Variants in AATF observed in about 807,000 individuals in gnomAD.
The protein encoded by AATF is apoptosis antagonizing transcription factor.
In AATF, 48 loss-of-function variants were observed where a neutral mutation model predicts 63.7. That is an observed-to-expected ratio of 0.75 (90% confidence interval 0.60 to 0.96). The LOEUF (loss-of-function observed/expected upper bound fraction) is 0.96, where lower values mean the gene tolerates loss of function less well. AATF is among the 40% of genes least tolerant of loss of function. The probability of loss-of-function intolerance (pLI) is 0.00; values close to 1 mark genes in which losing one functional copy is unlikely to be tolerated. For missense variants in AATF, 639 were observed against 685.7 expected (o/e 0.93, Z 0.76); for synonymous variants, 258 against 247.7 (o/e 1.04, Z -0.39).
intron 11 of AATF, among the ~76,000 whole-genome samples, chr17:37,034,266 G>C (rs1217025331): frequency 6.6e-6 from 1 of 152,182 alleles, no homozygotes; most frequent in Non-Finnish European, 1.5e-5. Context: ...ACAGTAAATA[G>C]GAACTAGCTC....
intron 2 of AATF, among the ~76,000 whole-genome samples, chr17:36,952,470 A>G (rs2070862931): frequency 6.6e-6 from 1 of 152,226 alleles, no homozygotes; most frequent in Non-Finnish European, 1.5e-5. Context: ...AGGTTTGGGA[A>G]AACTGGTAAT....
At chr17:36,992,931 G>A (rs2071226825) in intron 8 of AATF, among the ~76,000 whole-genome samples, 1 of 152,170 alleles carries the variant, frequency 6.6e-6, no homozygotes, top group Non-Finnish European at 1.5e-5. Context: ...CTTCTGTAAA[G>A]GTGAATGATG....
rs765980088 is a variant in AATF, at chr17:36,952,868, TC to T, written c.284-15del. The T allele has an allele frequency of 1.6e-5, 26 of 1,603,042 alleles. No homozygotes were observed. The highest frequency in any genetic ancestry group is 1.0e-4 in the Admixed American group (6 of 59,034). ...AGGTAATACCCATTTTTCTCTTTCT[TC>T]CCTCTCTTCTTTGTAGATGAGGAAA... On this transcript the variant is annotated splice_polypyrimidine_tract_variant and intron_variant, in intron 2 of 11. Coordinates refer to ENST00000619387, the MANE Select transcript of AATF (RefSeq NM_012138.4).
At chr17:36,963,657 C>T (rs2070967140) in intron 4 of AATF, among the ~76,000 whole-genome samples, 1 of 152,214 alleles carries the variant, frequency 6.6e-6, no homozygotes, top group Admixed American at 6.5e-5. Context: ...ACTCCTTTGA[C>T]TGACATTCAG....
At chr17:36,971,969 T>C (rs1011380293) in intron 4 of AATF, among the ~76,000 whole-genome samples, 1 of 152,226 alleles carries the variant, frequency 6.6e-6, no homozygotes, top group African/African-American at 2.4e-5. Context: ...TCTCCACTAA[T>C]CTTGTTTCCT....
intron 11 of AATF, among the ~76,000 whole-genome samples, chr17:37,046,502 C>A (rs983211842): frequency 3.3e-5 from 5 of 152,014 alleles, no homozygotes; most frequent in African/African-American, 1.2e-4. Flanking sequence ...CCTCTGTGTC[C>A]CCTGACTCGC....
chr17:36,952,241 A>C (rs1163508724), intron 2 of AATF, among the ~76,000 whole-genome samples: 2 of 152,196 alleles, frequency 1.3e-5, no homozygotes, highest in African/African-American at 4.8e-5. Flanking sequence ...CCACCTTTCC[A>C]GGAGAGTTAG....
intron 11 of AATF, among the ~76,000 whole-genome samples, chr17:37,037,379 T>A (rs1040820394): frequency 1.3e-5 from 2 of 152,156 alleles, no homozygotes; most frequent in African/African-American, 4.8e-5. Context: ...ATCAGTGGCC[T>A]AAGGAGAAGA....
chr17:36,956,940 C>T (rs967372457), intron 4 of AATF, among the ~76,000 whole-genome samples: 59 of 152,076 alleles, frequency 3.9e-4, no homozygotes, highest in South Asian at 1.2e-3. Flanking sequence ...CGTGCTAGTG[C>T]ACTCTAGCCT....
chr17:36,984,814 A>T (rs1033612155), intron 4 of AATF, among the ~76,000 whole-genome samples: 15 of 151,384 alleles, frequency 9.9e-5, no homozygotes, highest in Admixed American at 7.2e-4. Flanking sequence ...TTTAAAAAAA[A>T]TTTTGTAGAG....
chr17:37,026,223 A>T (rs570027120), intron 10 of AATF, among the ~76,000 whole-genome samples: 2 of 152,348 alleles, frequency 1.3e-5, no homozygotes, highest in South Asian at 4.1e-4. Flanking sequence ...CAGGAGACTA[A>T]GGAGACATCA....
Position 36,988,526 on chromosome 17 carries a change from A to G in AATF, c.955A>G (p.Ile319Val). ...TTCTTACTGCTTTTCTAGTGAGGAG[A>G]TTTCTAGTGAAGATGATGAGCTGGT... ...GTKPNAGSEE[I>V]SSEDDELVEE... The change falls in exon 6 of 12, where the codon ATT becomes GTT. Residue 319 changes from isoleucine to valine, a missense_variant. Transcript: ENST00000619387. The G allele has an allele frequency of 6.2e-7, 1 of 1,613,868 alleles. No individual in the cohort carries two copies. Among genetic ancestry groups the G allele is most frequent in the Non-Finnish European group, 8.5e-7 (1 of 1,179,946 alleles).
At chr17:37,051,524 A>G (rs1422551940) in intron 11 of AATF, among the ~76,000 whole-genome samples, 1 of 152,162 alleles carries the variant, frequency 6.6e-6, no homozygotes, top group African/African-American at 2.4e-5. Flanking sequence ...CACATCGGTG[A>G]GGGGCTGCAT....
At chr17:37,021,813 A>T (rs1454994047) in intron 10 of AATF, among the ~76,000 whole-genome samples, 2 of 138,072 alleles carry the variant, frequency 1.4e-5, no homozygotes, top group Non-Finnish European at 3.0e-5. Context: ...TCAAAAAAAA[A>T]AAAAAAAATA....
intron 8 of AATF, among the ~76,000 whole-genome samples, chr17:36,991,659 C>G (rs1026139617): frequency 6.6e-6 from 1 of 151,112 alleles, no homozygotes; most frequent in Non-Finnish European, 1.5e-5. Context: ...AATCTCGGCT[C>G]ACTGCAAGCT....
intron 4 of AATF, among the ~76,000 whole-genome samples, chr17:36,965,639 T>C (rs2070985472): frequency 6.6e-6 from 1 of 152,216 alleles, no homozygotes; most frequent in Non-Finnish European, 1.5e-5. Flanking sequence ...TCTCATTCCT[T>C]TGTAGATGAC....
intron 11 of AATF, among the ~76,000 whole-genome samples, chr17:37,047,532 CT>C (rs1238257669): frequency 6.6e-6 from 1 of 152,182 alleles, no homozygotes; most frequent in East Asian, 1.9e-4. Flanking sequence ...CTCTCAGTTC[CT>C]TTGTTTGGGG....
intron 11 of AATF, among the ~76,000 whole-genome samples, chr17:37,039,106 T>TC (rs2071616141): frequency 6.6e-6 from 1 of 152,102 alleles, no homozygotes; most frequent in African/African-American, 2.4e-5. Flanking sequence ...CATTTCTTGC[T>TC]CCCCCCTACC....
In AATF at chr17:36,968,270, C is replaced by CT. The variant is rs3049638; in HGVS notation, c.832+14393dup. 8.6e-3 allele frequency among the ~76,000 whole-genome samples: 205 copies of CT among 23,792 alleles called. 26 individuals carry two copies. Among genetic ancestry groups the CT allele is most frequent in the African/African-American group, 0.018 (112 of 6,146 alleles). The allele number at this position is 23,792 out of a possible 152,430, so 15.6% of individuals were successfully genotyped here. ...TTTCTTTTTCTTTCTTTCCTTCTTT[C>CT]TTTTTTTTTTTTTTTTTTTTTTTTT... On this transcript the variant is annotated intron_variant, in intron 4 of 11. Transcript: ENST00000619387.
Sources: allele counts gnomAD v4.1 joint callset (sites outside exome capture counted in the v4.1 genomes callset), GRCh38; gene constraint gnomAD v4.1.1; transcripts MANE v1.5; gene names NCBI Gene and HGNC (gene_info 2026-07-23, HGNC 2026-07-21).